Variants in DOCK4 observed in about 807,000 individuals in gnomAD.
The protein encoded by DOCK4 is dedicator of cytokinesis 4, also known as dedicator of cytokinesis protein 4.
A neutral mutation model predicts 268.1 loss-of-function variants in DOCK4; 97 were observed. The ratio of observed to expected loss-of-function variants is 0.36; its 90% CI spans 0.31 to 0.43. The LOEUF is 0.43. Ranked by LOEUF, DOCK4 falls within the 20% of genes least tolerant of loss-of-function variation. The pLI is 1.00. For synonymous variants in DOCK4, 954 were observed against 887.2 expected, an observed-to-expected ratio of 1.08 and a Z score of -1.34; for missense variants, 2,145 against 2,455.7, an observed-to-expected ratio of 0.87 and a Z score of 2.67.
At chr7:111,991,243 T>G (rs1349569042) in intron 5 of DOCK4, among the ~76,000 whole-genome samples, 1 of 152,182 alleles carries the variant, frequency 6.6e-6, no homozygotes, top group Non-Finnish European at 1.5e-5. Context: ...CAGCTCTCCA[T>G]TAAGGGAAGA....
chr7:111,892,138 T>C (rs1013869347), intron 16 of DOCK4, among the ~76,000 whole-genome samples: 1 of 152,216 alleles, frequency 6.6e-6, no homozygotes, highest in Non-Finnish European at 1.5e-5. Flanking sequence ...AGAAAGGCCC[T>C]TCTCACCTGT....
intron 1 of DOCK4, among the ~76,000 whole-genome samples, chr7:112,151,053 T>C (rs1243231334): frequency 1.3e-5 from 2 of 152,162 alleles, no homozygotes; most frequent in Non-Finnish European, 2.9e-5. Flanking sequence ...ATAAGTGACT[T>C]TCCATGATAG....
At chr7:111,983,835 TACACACACAC>T (rs1798794668) in intron 7 of DOCK4, among the ~76,000 whole-genome samples, 1 of 113,242 alleles carries the variant, frequency 8.8e-6, no homozygotes, top group Non-Finnish European at 1.8e-5. Flanking sequence ...ATTATGTATG[TACACACACAC>T]GCGCGCGCGC....
At chr7:112,173,555 A>C (rs1818254798) in intron 1 of DOCK4, among the ~76,000 whole-genome samples, 1 of 152,102 alleles carries the variant, frequency 6.6e-6, no homozygotes, top group Admixed American at 6.5e-5. Context: ...GTCAGCAGCT[A>C]GTTCAAAAGG....
chr7:111,758,861 T>C (rs1349734414), intron 40 of DOCK4, 71 bp from the exon 41 acceptor site: 5 of 1,439,898 alleles, frequency 3.5e-6, no homozygotes, highest in Non-Finnish European at 2.9e-6. Context: ...GGCTGAGCTA[T>C]GGCAGAGAGA....
At chr7:112,065,337 C>T (rs1252012545) in intron 1 of DOCK4, among the ~76,000 whole-genome samples, 1 of 152,064 alleles carries the variant, frequency 6.6e-6, no homozygotes, top group African/African-American at 2.4e-5. Context: ...TCTCAGCCTC[C>T]TAGTCCTGAG....
intron 8 of DOCK4, among the ~76,000 whole-genome samples, chr7:111,960,523 CTTTTT>C (rs753880464): frequency 1.1e-4 from 9 of 78,512 alleles, no homozygotes; most frequent in African/African-American, 2.6e-4. Flanking sequence ...ACCTCATGTG[CTTTTT>C]TTTTTTTTTT....
chr7:111,844,437 C>G (rs949543586), intron 25 of DOCK4, among the ~76,000 whole-genome samples: 1 of 152,116 alleles, frequency 6.6e-6, no homozygotes, highest in East Asian at 1.9e-4. Flanking sequence ...CTCGTTTCCT[C>G]AAGCAATTTG....
At position 111,822,422 on chromosome 7, in the gene DOCK4, A is replaced by C; in HGVS notation, c.2870T>G (p.Ile957Arg). The change falls in exon 27 of 53, where the codon ATA (isoleucine) becomes AGA (arginine). Residue 957 changes from isoleucine to arginine, a missense_variant. Ile to Arg is a moderately conservative substitution (Grantham distance 97). Coordinates refer to ENST00000428084, the MANE Select transcript of DOCK4 (RefSeq NM_001363540.2). ...FLLQIFTVFR[I>R]LIRPEMFPKD... is the part of the protein sequence containing the mutation. ...TGGAAACATCTCCGGGCGTATCAAT[A>C]TTCGGAACACAGTAAATATCTGCAG... 1 of 1,613,604 alleles carries C rather than the reference A, an allele frequency of 6.2e-7. No individual in the cohort carries two copies. Among genetic ancestry groups the C allele is most frequent in the Non-Finnish European group, 8.5e-7 (1 of 1,179,758 alleles).
intron 43 of DOCK4, among the ~76,000 whole-genome samples, chr7:111,746,813 T>C (rs1044103688): frequency 1.5e-5 from 1 of 65,860 alleles, no homozygotes; most frequent in Admixed American, 2.5e-4. Context: ...ATCGGTCTTA[T>C]CTTTTTTTTT....
At position 111,856,006 on chromosome 7, in the gene DOCK4, C is replaced by T. The variant is rs73205390; in HGVS notation, c.2473+7366G>A. Among the ~76,000 whole-genome samples the T allele has an allele frequency of 1.9e-3, 291 of 152,230 alleles. 2 individuals are homozygous for T. The highest frequency in any genetic ancestry group is 2.8e-3 in the Non-Finnish European group (192 of 67,998). On this transcript the variant is annotated intron_variant, in intron 23 of 52. Coordinates refer to ENST00000428084, the MANE Select transcript of DOCK4 (RefSeq NM_001363540.2). ...CTTAAACAGGAAGAGTGAGGAGGCC[C>T]GTTATCAGTCTGGTTTACAATGACT...
intron 12 of DOCK4, among the ~76,000 whole-genome samples, chr7:111,922,785 G>T (rs1255768919): frequency 6.6e-6 from 1 of 152,000 alleles, no homozygotes. Flanking sequence ...GTTTCACCGT[G>T]TTAGCCAGTA....
intron 49 of DOCK4, among the ~76,000 whole-genome samples, chr7:111,738,056 A>T (rs1003255676): frequency 6.6e-6 from 1 of 152,026 alleles, no homozygotes. Flanking sequence ...GAAAAACAGA[A>T]ATTAGCTGGA....
At chr7:111,915,062 A>G (rs1433057424) in intron 13 of DOCK4, among the ~76,000 whole-genome samples, 2 of 152,212 alleles carry the variant, frequency 1.3e-5, no homozygotes, top group Admixed American at 1.3e-4. Flanking sequence ...TATCCAATTC[A>G]TAAGTTGTAG....
intron 1 of DOCK4, among the ~76,000 whole-genome samples, chr7:112,052,991 C>T (rs1805495685): frequency 6.6e-6 from 1 of 152,142 alleles, no homozygotes; most frequent in African/African-American, 2.4e-5. Context: ...GTTAAAAAAG[C>T]CAAGTGGAAA....
intron 1 of DOCK4, among the ~76,000 whole-genome samples, chr7:112,028,520 A>G (rs1157726706): frequency 6.6e-6 from 1 of 152,254 alleles, no homozygotes; most frequent in Non-Finnish European, 1.5e-5. Flanking sequence ...TATCAGCCCA[A>G]TGAAATGGCT....
chr7:112,056,523 C>T (rs796869602), intron 1 of DOCK4, among the ~76,000 whole-genome samples: 52 of 152,224 alleles, frequency 3.4e-4, no homozygotes, highest in African/African-American at 5.1e-4. Flanking sequence ...GGAACCATGA[C>T]GCATTCAGAA....
At chr7:112,091,158 T>TGGG (rs1379618444) in intron 1 of DOCK4, among the ~76,000 whole-genome samples, 1 of 152,174 alleles carries the variant, frequency 6.6e-6, no homozygotes, top group East Asian at 1.9e-4. Flanking sequence ...CCACTCACAT[T>TGGG]GCTTCACAGA....
intron 6 of DOCK4, 27 bp downstream of exon 6, chr7:111,988,988 G>C: frequency 6.3e-7 from 1 of 1,590,136 alleles, no homozygotes; most frequent in Non-Finnish European, 8.6e-7. Context: ...ACCTACTAGA[G>C]GCCGCCCTGT....
Sources: allele counts gnomAD v4.1 joint callset (sites outside exome capture counted in the v4.1 genomes callset), GRCh38; gene constraint gnomAD v4.1.1; transcripts MANE v1.5; gene names NCBI Gene and HGNC (gene_info 2026-07-23, HGNC 2026-07-21).